Variants in DPH6 observed in about 807,000 individuals in gnomAD.
DPH6 encodes the protein diphthamine biosynthesis 6, also known as diphthine--ammonia ligase.
A neutral mutation model predicts 38.2 loss-of-function variants in DPH6; 33 were observed. The ratio of observed to expected loss-of-function variants is 0.86; its 90% CI spans 0.65 to 1.15. The LOEUF (loss-of-function observed/expected upper bound fraction) is 1.15. DPH6 is among the 50% of genes most tolerant of loss of function. The pLI is 0.00. For synonymous variants in DPH6, 108 were observed against 103.0 expected (o/e 1.05, Z -0.30); for missense variants, 325 against 320.0 (o/e 1.02, Z -0.12).
At chr15:35,486,412 G>C (rs1359349115) in intron 3 of DPH6, among the ~76,000 whole-genome samples, 1 of 152,156 alleles carries the variant, frequency 6.6e-6, no homozygotes, top group Non-Finnish European at 1.5e-5. Flanking sequence ...CTGCATGGCT[G>C]GGTAGGCCTC....
chr15:35,388,632 G>T (rs1249741915), intron 6 of DPH6, among the ~76,000 whole-genome samples: 1 of 152,194 alleles, frequency 6.6e-6, no homozygotes, highest in African/African-American at 2.4e-5. Context: ...TTTGCATAGA[G>T]GTGTTTATAG....
chr15:35,519,191 C>T (rs937768854), intron 3 of DPH6: 1 of 151,728 alleles, frequency 6.6e-6, no homozygotes, highest in Non-Finnish European at 1.5e-5. Flanking sequence ...AAAAGGAAAT[C>T]TAAAATTTAA....
intron 3 of DPH6, among the ~76,000 whole-genome samples, chr15:35,275,204 C>CGCGCCTGGCTGATTATAAATCA (rs1219770450): frequency 1.3e-5 from 2 of 152,118 alleles, no homozygotes; most frequent in East Asian, 3.9e-4. Flanking sequence ...CTTGAGCCAC[C>CGCGCCTGGCTGATTATAAATCA]GCGCCTGGCT....
intron 3 of DPH6, among the ~76,000 whole-genome samples, chr15:35,296,714 AATCTTACTAT>A (rs537802643): frequency 3.8e-4 from 58 of 152,298 alleles, no homozygotes; most frequent in Middle Eastern, 6.8e-3. Flanking sequence ...AATGCTGCCC[AATCTTACTAT>A]ATTTTCCTAG....
the DPH6 span, among the ~76,000 whole-genome samples, chr15:35,160,317 C>T: frequency 0.12 from 17,840 of 151,974 alleles, 1,297 homozygotes; most frequent in African/African-American, 0.2. Context: ...CACCTCTTCA[C>T]TGACTTCTCT....
Position 35,398,520 on chromosome 15 carries a change from T to A in DPH6, c.567+12315A>T, listed in dbSNP as rs114126553. Among the ~76,000 whole-genome samples, 291 of 133,008 alleles carry A rather than the reference T, an allele frequency of 2.2e-3. 5 individuals carry two copies. Among genetic ancestry groups the A allele is most frequent in the East Asian group, 6.4e-3 (30 of 4,670 alleles). The allele number at this position is 133,008 out of a possible 152,430, so 87.3% of individuals were successfully genotyped here. ...TGATCACATGGAGCTGCCTGGAGGA[T>A]GGTGCGCTGAGAGACAGCCTGGAAG... On this transcript the variant is annotated intron_variant, in intron 6 of 8. Coordinates refer to ENST00000256538, the MANE Select transcript of DPH6 (RefSeq NM_080650.4).
chr15:35,546,002 C>T (rs2055346707), intron 1 of DPH6, 117 bp downstream of exon 1: 1 of 974,614 alleles, frequency 1.0e-6, no homozygotes, highest in Non-Finnish European at 1.4e-6. Flanking sequence ...TCGGAGGAGC[C>T]GCGGAACCCC....
At position 35,538,438 on chromosome 15, in the gene DPH6, A is replaced by T; in HGVS notation, c.148T>A (p.Tyr50Asn). ...VGSDELDSYM[Y>N]QTVGHHAIDL... The stretch of plus-strand genomic sequence containing the variant: ...ATGGCATGGTGCCCCACTGTCTGAT[A>T]CATGTAGCTATCCAGTTCATCAGAC... The change falls in exon 3 of 9, where the codon TAT (tyrosine) becomes AAT (asparagine). Residue 50 changes from tyrosine to asparagine, a missense_variant. By Grantham distance (143) the Tyr-to-Asn change is moderately radical (BLOSUM62 -2). Transcript: ENST00000256538. 1.9e-6 allele frequency: 3 copies of T among 1,580,950 alleles called. No individual in the cohort carries two copies. Among genetic ancestry groups the T allele is most frequent in the Non-Finnish European group, 2.6e-6 (3 of 1,155,176 alleles).
intron 5 of DPH6, among the ~76,000 whole-genome samples, chr15:35,426,775 T>A (rs1159113715): frequency 6.6e-6 from 1 of 151,096 alleles, no homozygotes; most frequent in African/African-American, 2.4e-5. Flanking sequence ...ACCATCCAGG[T>A]TTCTAGGAAG....
Position 35,412,046 on chromosome 15 carries a change from T to C in DPH6, c.506-1150A>G, listed in dbSNP as rs559390700. Among the ~76,000 whole-genome samples, 3 of 151,722 alleles carry C rather than the reference T, an allele frequency of 2.0e-5. No homozygotes were observed. The East Asian group carries it at 5.8e-4, about 29-fold the overall frequency. On this transcript the variant is annotated intron_variant, in intron 5 of 8. Transcript: ENST00000256538. The stretch of plus-strand genomic sequence containing the variant: ...TAAAAAACCTCTGCTCTGTGAAAGA[T>C]AATGTAAAGAGAGTAAGAATAAAAG...
chr15:35,520,284 CATA>C (rs1317806018), intron 3 of DPH6: 1 of 963,596 alleles, frequency 1.0e-6, no homozygotes, highest in African/African-American at 1.8e-5. Context: ...CTATTTTAAG[CATA>C]ATTTTATTAC....
At chr15:35,364,330 C>T (rs1348404855) in intron 3 of DPH6, among the ~76,000 whole-genome samples, 1 of 152,018 alleles carries the variant, frequency 6.6e-6, no homozygotes, top group Non-Finnish European at 1.5e-5. Flanking sequence ...CTATCATTCG[C>T]CATCAATCCA....
At chr15:35,382,474 A>C (rs1011539646) in intron 6 of DPH6, among the ~76,000 whole-genome samples, 9 of 133,564 alleles carry the variant, frequency 6.7e-5, no homozygotes, top group Non-Finnish European at 1.4e-4. Flanking sequence ...CACACACACA[A>C]AATTAAGATT....
At chr15:35,516,911 C>T (rs2054855425) in intron 3 of DPH6, among the ~76,000 whole-genome samples, 1 of 152,042 alleles carries the variant, frequency 6.6e-6, no homozygotes, top group Non-Finnish European at 1.5e-5. Context: ...TGACTCCTCC[C>T]AAATTTTGCT....
At chr15:35,205,462 G>A in the DPH6 span, among the ~76,000 whole-genome samples, 1 of 151,914 alleles carries the variant, frequency 6.6e-6, no homozygotes, top group African/African-American at 2.4e-5. Flanking sequence ...CATTGAACAC[G>A]ATAAGATATT....
intron 3 of DPH6, chr15:35,237,895 G>A: frequency 7.0e-7 from 1 of 1,425,180 alleles, no homozygotes; most frequent in African/African-American, 1.4e-5. Context: ...AGGACGAGGA[G>A]GAGGAGGAAG....
the DPH6 span, among the ~76,000 whole-genome samples, chr15:35,179,362 A>T: frequency 5.4e-4 from 82 of 152,268 alleles, no homozygotes; most frequent in African/African-American, 1.8e-3. Context: ...CCACAAGAAA[A>T]TAATTGGAAA....
rs74416577 is a variant in DPH6 at position 35,232,991 on chromosome 15, A to G, written n.201-12409T>C. Among the ~76,000 whole-genome samples the G allele has an allele frequency of 4.3e-3, 653 of 152,260 alleles. 6 individuals carry two copies. Among genetic ancestry groups the G allele is most frequent in the African/African-American group, 0.015 (614 of 41,560 alleles). ...AGCAAAATAAAGTATACACCCATCA[A>G]TGAAAAACCATGCAACCATGAAAAA... is the stretch of plus-strand genomic sequence containing the variant. On this transcript the variant is annotated intron_variant and non_coding_transcript_variant, in intron 3 of 3. Transcript: ENST00000560386.
rs74523655 is a variant in DPH6 at position 35,229,542 on chromosome 15, C to T, written n.201-8960G>A. 2.2e-4 allele frequency among the ~76,000 whole-genome samples: 33 copies of T among 151,984 alleles called. No homozygotes were observed. In the East Asian group the frequency reaches 5.4e-3, roughly 25 times the overall value. ...ATCTCTGTTTCTCTAGTGTTGATTCCTGGTGTTTTATTTAGCTCATTTGGT... is the reference window on the plus strand; with the variant it reads ...ATCTCTGTTTCTCTAGTGTTGATTCTTGGTGTTTTATTTAGCTCATTTGGT... On this transcript the variant is annotated intron_variant and non_coding_transcript_variant, in intron 3 of 3. Transcript: ENST00000560386.
Sources: allele counts gnomAD v4.1 joint callset (sites outside exome capture counted in the v4.1 genomes callset), GRCh38; gene constraint gnomAD v4.1.1; transcripts MANE v1.5; gene names NCBI Gene and HGNC (gene_info 2026-07-23, HGNC 2026-07-21).